ACAP2: variants seen among roughly 807,000 people sequenced by gnomAD.
The protein encoded by ACAP2 is arf-GAP with coiled-coil, ANK repeat and PH domain-containing protein 2.
A neutral mutation model predicts 115.8 loss-of-function variants in ACAP2; 39 were observed. The observed-to-expected ratio is 0.34, with a 90% CI of 0.26 to 0.44. The LOEUF (loss-of-function observed/expected upper bound fraction) is 0.44. ACAP2 is among the 20% of genes least tolerant of loss of function. ACAP2 has a pLI of 1.00. For missense variants in ACAP2, 662 were observed against 927.6 expected (o/e 0.71, Z 3.72); for synonymous variants, 289 against 315.8 (o/e 0.92, Z 0.90).
intron 7 of ACAP2, 37 bp downstream of exon 7, chr3:195,336,895 T>G (rs753370142): frequency 4.6e-6 from 7 of 1,505,512 alleles, no homozygotes; most frequent in Middle Eastern, 3.6e-4. Flanking sequence ...AGTTTCATAT[T>G]AAAATATTTA....
At chr3:195,395,402 C>T (rs1401796732) in intron 1 of ACAP2, among the ~76,000 whole-genome samples, 1 of 152,102 alleles carries the variant, frequency 6.6e-6, no homozygotes, top group Non-Finnish European at 1.5e-5. Context: ...TCACAAAGGT[C>T]AGCAAACAAT....
At chr3:195,401,778 A>G (rs926598082) in intron 1 of ACAP2, among the ~76,000 whole-genome samples, 4 of 152,240 alleles carry the variant, frequency 2.6e-5, no homozygotes, top group African/African-American at 7.2e-5. Flanking sequence ...AAAACTTAGT[A>G]AACTGCTAAA....
intron 2 of ACAP2, among the ~76,000 whole-genome samples, chr3:195,390,596 G>A (rs1004618532): frequency 1.3e-5 from 2 of 152,106 alleles, no homozygotes; most frequent in Non-Finnish European, 2.9e-5. Flanking sequence ...TGGGCCAACA[G>A]CACGGGCGTC....
intron 1 of ACAP2, among the ~76,000 whole-genome samples, chr3:195,431,599 G>A (rs865809471): frequency 3.8e-4 from 55 of 143,146 alleles, no homozygotes; most frequent in African/African-American, 1.3e-3. Context: ...GACCATGCCC[G>A]ACTAATTTTT....
At chr3:195,355,379 C>T (rs1056672227) in intron 4 of ACAP2, among the ~76,000 whole-genome samples, 1 of 150,550 alleles carries the variant, frequency 6.6e-6, no homozygotes, top group Non-Finnish European at 1.5e-5. Context: ...AGAAATTCCT[C>T]AATTCATCTA....
Position 195,382,020 on chromosome 3 carries a change from A to C in ACAP2, c.114T>G (p.Leu38=). 1 of 1,598,592 alleles carries C rather than the reference A, an allele frequency of 6.3e-7. No individual in the cohort carries two copies. Among genetic ancestry groups the C allele is most frequent in the Non-Finnish European group, 8.5e-7 (1 of 1,176,148 alleles). The change falls in exon 3 of 23, where the codon CTT becomes CTG. Residue 38 remains leucine, a splice_region_variant and synonymous_variant. Transcript: ENST00000326793. ...CAATCATTGCAATACAAAGTTTCAC[A>C]AGCTGAAAAAGAAAAAAAAAATTCA... The part of the protein sequence containing the change: ...VAELELKLDK[L]VKLCIAMIDT...
intron 2 of ACAP2, among the ~76,000 whole-genome samples, chr3:195,390,131 G>A (rs1734567849): frequency 6.6e-6 from 1 of 152,140 alleles, no homozygotes; most frequent in South Asian, 2.1e-4. Context: ...GGGAGGCGGA[G>A]GTTGCAAGTG....
intron 9 of ACAP2, among the ~76,000 whole-genome samples, chr3:195,321,237 T>C (rs1729431730): frequency 6.7e-6 from 1 of 148,158 alleles, no homozygotes; most frequent in Non-Finnish European, 1.5e-5. Context: ...TTTTTTTTTT[T>C]TTTGAGACAG....
intron 4 of ACAP2, among the ~76,000 whole-genome samples, chr3:195,369,179 CA>C (rs1364474678): frequency 6.6e-6 from 1 of 151,554 alleles, no homozygotes; most frequent in African/African-American, 2.4e-5. Flanking sequence ...GATTCAAAAA[CA>C]TTTTTTTAAA....
chr3:195,339,185 C>G (rs1225376061), intron 6 of ACAP2, among the ~76,000 whole-genome samples: 1 of 152,072 alleles, frequency 6.6e-6, no homozygotes, highest in Non-Finnish European at 1.5e-5. Flanking sequence ...GAGCTGGGAT[C>G]GCACCACTGC....
intron 13 of ACAP2, among the ~76,000 whole-genome samples, chr3:195,304,021 G>A (rs377032235): frequency 1.3e-5 from 2 of 151,524 alleles, no homozygotes; most frequent in African/African-American, 2.4e-5. Context: ...AAAATTAGCC[G>A]GGCATGGTGG....
At position 195,276,466 on chromosome 3, in the gene ACAP2, A is replaced by C. The variant is rs937238296; in HGVS notation, c.*2862T>G. 1 of 152,218 alleles carries C rather than the reference A, an allele frequency of 6.6e-6. No homozygotes were observed. Among genetic ancestry groups the C allele is most frequent in the African/African-American group, 2.4e-5 (1 of 41,460 alleles). The allele number at this position is 152,218 out of a possible 1,614,324, so 9.4% of individuals were successfully genotyped here. On this transcript the variant is annotated 3_prime_UTR_variant, in exon 23 of 23. Transcript: ENST00000326793. Reference sequence around the variant, plus strand: ...CAATTACTTTTATTCTAGCTCTAACATGAAATTGCATTTTATTAACTCTTC... The same window carrying C: ...CAATTACTTTTATTCTAGCTCTAACCTGAAATTGCATTTTATTAACTCTTC...
At chr3:195,393,028 A>C (rs541572749) in intron 1 of ACAP2, among the ~76,000 whole-genome samples, 25 of 152,316 alleles carry the variant, frequency 1.6e-4, no homozygotes, top group Non-Finnish European at 2.8e-4. Context: ...TTCTCAGGAG[A>C]CAGAGCTAGG....
chr3:195,351,135 G>GA lies in ACAP2; in HGVS notation c.286-5819_286-5818insT, dbSNP rs1360020344. On this transcript the variant is annotated intron_variant, in intron 4 of 22. Coordinates refer to ENST00000326793, the MANE Select transcript of ACAP2 (RefSeq NM_012287.6). ...ATAAATCCTTTTTTTTTTTTGGGCGGGGGACAGGGTCTTGCTCTGTCGCCC... is the reference window on the plus strand; with the variant it reads ...ATAAATCCTTTTTTTTTTTTGGGCGGAGGGACAGGGTCTTGCTCTGTCGCCC... 3.5e-5 allele frequency among the ~76,000 whole-genome samples: 3 copies of GA among 85,482 alleles called. No homozygotes were observed. In the Admixed American group the frequency reaches 3.7e-4, roughly 10 times the overall value. 56.1% of individuals were successfully genotyped at this position (85,482 alleles called of 152,430 possible).
chr3:195,433,863 G>C (rs965453283), intron 1 of ACAP2, among the ~76,000 whole-genome samples: 1 of 152,148 alleles, frequency 6.6e-6, no homozygotes, highest in Non-Finnish European at 1.5e-5. Context: ...TTTCGTCAAA[G>C]ATTTTTGTAT....
intron 6 of ACAP2, 88 bp from the exon 7 acceptor site, chr3:195,337,064 T>G: frequency 8.1e-7 from 1 of 1,228,064 alleles, no homozygotes; most frequent in Non-Finnish European, 1.1e-6. Flanking sequence ...TTTAATGGTT[T>G]AATACTTTTC....
chr3:195,344,709 G>A (rs999028119), intron 5 of ACAP2, among the ~76,000 whole-genome samples: 2 of 152,082 alleles, frequency 1.3e-5, no homozygotes, highest in Non-Finnish European at 1.5e-5. Context: ...TAGTAGAGAC[G>A]GGGTTTCTCC....
rs147534888 is a variant in ACAP2, at chr3:195,377,660, A to G, written c.285+3349T>C. On this transcript the variant is annotated intron_variant, in intron 4 of 22. Coordinates refer to ENST00000326793, the MANE Select transcript of ACAP2 (RefSeq NM_012287.6). Reference sequence around the variant, plus strand: ...ACACAAGTCATTCCTACTGAAAAAAATTTAAAGTATTGGTTACAAAACAAC... The same window carrying G: ...ACACAAGTCATTCCTACTGAAAAAAGTTTAAAGTATTGGTTACAAAACAAC... Among the ~76,000 whole-genome samples, 292 of 152,332 alleles carry G rather than the reference A, an allele frequency of 1.9e-3. 1 individual carries two copies. Among genetic ancestry groups the G allele is most frequent in the African/African-American group, 6.7e-3 (279 of 41,572 alleles).
chr3:195,338,481 G>C (rs11920942), intron 6 of ACAP2, among the ~76,000 whole-genome samples: 3,614 of 152,072 alleles, frequency 0.024, 135 homozygotes, highest in African/African-American at 0.081. Flanking sequence ...CACCAGACCT[G>C]GCTAACTTTT....
Sources: allele counts gnomAD v4.1 joint callset (sites outside exome capture counted in the v4.1 genomes callset), GRCh38; gene constraint gnomAD v4.1.1; transcripts MANE v1.5; gene names NCBI Gene and HGNC (gene_info 2026-07-23, HGNC 2026-07-21).